TOX3: variants seen among roughly 807,000 people sequenced by gnomAD.
The protein encoded by TOX3 is CAG trinucleotide repeat-containing gene F9 protein.
TOX3 carries 22 observed loss-of-function variants against 64.3 expected under a neutral mutation model. The ratio of observed to expected loss-of-function variants is 0.34; its 90% CI spans 0.24 to 0.49. The LOEUF (loss-of-function observed/expected upper bound fraction) is 0.49. Among genes scored for constraint, TOX3 ranks in the 20% least tolerant of loss-of-function variants. The pLI is 0.99. For missense variants in TOX3, 661 were observed against 714.4 expected (o/e 0.93, Z 0.85); for synonymous variants, 291 against 273.6 (o/e 1.06, Z -0.63).
intron 1 of TOX3, among the ~76,000 whole-genome samples, chr16:52,500,328 G>C (rs1462608909): frequency 6.6e-6 from 1 of 152,184 alleles, no homozygotes. Context: ...CATCATCTTA[G>C]CCTAGGCCTT....
intron 1 of TOX3, among the ~76,000 whole-genome samples, chr16:52,519,120 A>G (rs913831079): frequency 6.6e-6 from 1 of 152,226 alleles, no homozygotes; most frequent in Non-Finnish European, 1.5e-5. Flanking sequence ...GGCATGTAGA[A>G]CCAACCTGTT....
intron 2 of TOX3, 98 bp from the exon 3 acceptor site, chr16:52,464,286 A>G: frequency 7.9e-7 from 1 of 1,269,724 alleles, no homozygotes; most frequent in Non-Finnish European, 1.0e-6. Context: ...AACACTACAT[A>G]CATATCTAGG....
At chr16:52,515,193 A>G (rs1020047806) in intron 1 of TOX3, among the ~76,000 whole-genome samples, 9 of 150,888 alleles carry the variant, frequency 6.0e-5, no homozygotes, top group Non-Finnish European at 8.8e-5. Context: ...GTTAAAAAAA[A>G]AAAAAGAAAA....
intron 2 of TOX3, among the ~76,000 whole-genome samples, chr16:52,465,005 CTTTTTTTTT>C (rs1168498170): frequency 8.5e-5 from 6 of 70,942 alleles, no homozygotes; most frequent in African/African-American, 3.6e-4. Flanking sequence ...TTAATGCATT[CTTTTTTTTT>C]TTTTTTTTTT....
rs1962551044 is a variant in TOX3 at position 52,519,623 on chromosome 16, A to C, written c.87+27014T>G. On this transcript the variant is annotated intron_variant, in intron 1 of 6. Coordinates refer to ENST00000219746, the MANE Select transcript of TOX3 (RefSeq NM_001080430.4). ...AAACAACATGGTTGGGCAATCAGCT[A>C]TTTGTCACACTGAGAAGACATCACT... is the stretch of plus-strand genomic sequence containing the variant. 6 of 1,401,810 alleles carry C rather than the reference A, an allele frequency of 4.3e-6. No homozygotes were observed. In the East Asian group the frequency reaches 1.3e-4, roughly 30 times the overall value. The allele number at this position is 1,401,810 out of a possible 1,614,324, so 86.8% of individuals were successfully genotyped here. A position where few individuals can be genotyped will look rare whatever the true frequency, so the allele number is the denominator to read the frequency against.
intron 3 of TOX3, among the ~76,000 whole-genome samples, chr16:52,462,753 C>A (rs1960729593): frequency 6.6e-6 from 1 of 151,830 alleles, no homozygotes; most frequent in Admixed American, 6.6e-5. Flanking sequence ...ATAAGAAAGT[C>A]CCCAGGAAAC....
chr16:52,484,753 TCTC>T (rs1200034668), intron 1 of TOX3, among the ~76,000 whole-genome samples: 4 of 152,078 alleles, frequency 2.6e-5, no homozygotes, highest in Non-Finnish European at 4.4e-5. Context: ...ATGTGAGACT[TCTC>T]CTGTGAATTA....
At chr16:52,484,256 T>G (rs182094088) in intron 1 of TOX3, among the ~76,000 whole-genome samples, 35 of 152,318 alleles carry the variant, frequency 2.3e-4, no homozygotes, top group African/African-American at 8.4e-4. Context: ...TGTCTCAAAT[T>G]TGTCAATTTA....
At chr16:52,440,106 T>C (rs1005840148) in intron 6 of TOX3, 138 bp from the exon 7 acceptor site, 17 of 702,724 alleles carry the variant, frequency 2.4e-5, no homozygotes, top group Non-Finnish European at 3.8e-5. Context: ...ACTCTTTGTC[T>C]TGTGACTTTT....
At chr16:52,468,442 T>G (rs1401800143) in intron 2 of TOX3, 67 bp downstream of exon 2, 12 of 1,425,798 alleles carry the variant, frequency 8.4e-6, no homozygotes, top group Non-Finnish European at 1.2e-5. Flanking sequence ...TGTTTTTCCC[T>G]TCAAGCCTAT....
At chr16:52,505,545 C>T (rs1487400621) in intron 1 of TOX3, among the ~76,000 whole-genome samples, 2 of 152,206 alleles carry the variant, frequency 1.3e-5, no homozygotes, top group Non-Finnish European at 2.9e-5. Flanking sequence ...AAGCTCGTGA[C>T]TGGATTTTGC....
At chr16:52,530,952 T>C (rs1277936160) in intron 1 of TOX3, among the ~76,000 whole-genome samples, 1 of 152,176 alleles carries the variant, frequency 6.6e-6, no homozygotes, top group Non-Finnish European at 1.5e-5. Context: ...GCTCCACTGT[T>C]TTCAGTGTTT....
At position 52,439,355 on chromosome 16, in the gene TOX3, G is replaced by A. The variant is rs771386648; in HGVS notation, c.1601C>T (p.Ser534Phe). The change falls in exon 7 of 7, where the codon TCC becomes TTC. Residue 534 changes from serine to phenylalanine, a missense_variant. By Grantham distance (155) the Ser-to-Phe change is radical. Around this residue, in one of 3 missense-constraint regions of TOX3, gnomAD observed 299 missense variants for 292.1 expected, o/e 1.02. Coordinates refer to ENST00000219746, the MANE Select transcript of TOX3 (RefSeq NM_001080430.4). ...HQSQPSPRQH[S>F]PVASQITSPI... ...GGATGTTATCTGAGAGGCGACAGGG[G>A]AGTGCTGCCGAGGAGAAGGCTGAGA... 1 of 1,609,898 alleles carries A rather than the reference G, an allele frequency of 6.2e-7. No individual in the cohort carries two copies. The highest frequency in any genetic ancestry group is 8.5e-7 in the Non-Finnish European group (1 of 1,177,672).
At chr16:52,455,742 A>G (rs1960496021) in intron 3 of TOX3, among the ~76,000 whole-genome samples, 1 of 152,200 alleles carries the variant, frequency 6.6e-6, no homozygotes, top group Non-Finnish European at 1.5e-5. Context: ...TGTCTCATGC[A>G]GAGGGAACAG....
chr16:52,436,461 AAAGCGCACC>A lies in TOX3; in HGVS notation c.*2755_*2763del, dbSNP rs1959757900. Among the ~76,000 whole-genome samples the A allele has an allele frequency of 6.6e-6, 1 of 152,182 alleles. No individual in the cohort carries two copies. The highest frequency in any genetic ancestry group is 1.5e-5 in the Non-Finnish European group (1 of 68,040). ...TTATTTCTGACCTGTAACAAAAGAA[AAAGCGCACC>A]AAGTACTTACTTAAGTCTCAGGAAT... On this transcript the variant is annotated 3_prime_UTR_variant, in exon 7 of 7. Coordinates refer to ENST00000219746, the MANE Select transcript of TOX3 (RefSeq NM_001080430.4).
chr16:52,486,905 C>T (rs45620232), intron 1 of TOX3, among the ~76,000 whole-genome samples: 20,480 of 151,948 alleles, frequency 0.13, 1,530 homozygotes, highest in East Asian at 0.34. Context: ...CACTGCACTC[C>T]AGCCTGAGCA....
intron 1 of TOX3, among the ~76,000 whole-genome samples, chr16:52,492,424 A>G (rs1961713177): frequency 6.9e-6 from 1 of 145,802 alleles, no homozygotes; most frequent in Non-Finnish European, 1.5e-5. Context: ...TGAATATTAT[A>G]TATATATTAG....
intron 1 of TOX3, chr16:52,475,756 T>A (rs1157431364): frequency 1.3e-5 from 2 of 152,202 alleles, no homozygotes; most frequent in African/African-American, 2.4e-5. Context: ...AAAACTGCTT[T>A]ATATTATAGG....
intron 1 of TOX3, among the ~76,000 whole-genome samples, chr16:52,487,719 G>A (rs1365571505): frequency 1.3e-5 from 2 of 152,186 alleles, no homozygotes; most frequent in Admixed American, 6.5e-5. Context: ...ATGAGGGTTT[G>A]CAGTTAAAGT....
Sources: allele counts gnomAD v4.1 joint callset (sites outside exome capture counted in the v4.1 genomes callset), GRCh38; gene constraint gnomAD v4.1.1; regional missense constraint gnomAD v4.1.1; transcripts MANE v1.5; gene names NCBI Gene and HGNC (gene_info 2026-07-23, HGNC 2026-07-21).